The following AKT3 variants were observed in gnomAD, a reference collection of about 807,000 sequenced individuals.
The protein encoded by AKT3 is RAC-gamma serine/threonine-protein kinase.
In AKT3, 15 loss-of-function variants were observed where a neutral mutation model predicts 65.3. That is an observed-to-expected ratio of 0.23 (90% CI 0.15 to 0.35). AKT3 has a LOEUF of 0.35. Among genes scored for constraint, AKT3 ranks in the 10% least tolerant of loss-of-function variants. The pLI, the probability that AKT3 is intolerant of heterozygous loss-of-function variation, is 1.00. For missense variants in AKT3, 243 were observed against 576.5 expected (o/e 0.42, Z 5.92); for synonymous variants, 206 against 183.8 (o/e 1.12, Z -0.98).
At chr1:243,728,985 T>C (rs764031713) in intron 2 of AKT3, among the ~76,000 whole-genome samples, 28 of 152,016 alleles carry the variant, frequency 1.8e-4, no homozygotes, top group Non-Finnish European at 3.5e-4. Flanking sequence ...GAAACCAAGG[T>C]TGGGTTTCAA....
downstream of AKT3, chr1:243,499,670 A>G (rs1379707453): frequency 4.6e-6 from 5 of 1,087,896 alleles, no homozygotes; most frequent in Non-Finnish European, 7.1e-6. Flanking sequence ...TTTTCATCAT[A>G]AAAGGTGACT....
At chr1:243,770,121 T>C (rs1690085486) in intron 2 of AKT3, among the ~76,000 whole-genome samples, 1 of 152,176 alleles carries the variant, frequency 6.6e-6, no homozygotes, top group South Asian at 2.1e-4. Context: ...GCCATATATG[T>C]ATGGTTTAAA....
At chr1:243,508,294 C>T (rs916809152) in intron 13 of AKT3, among the ~76,000 whole-genome samples, 16 of 152,202 alleles carry the variant, frequency 1.1e-4, no homozygotes, top group Non-Finnish European at 1.5e-5. Context: ...TGCAGTTAAC[C>T]ACCATCAAGG....
At chr1:243,835,694 C>T (rs1259332943) in intron 2 of AKT3, among the ~76,000 whole-genome samples, 1 of 151,784 alleles carries the variant, frequency 6.6e-6, no homozygotes, top group East Asian at 1.9e-4. Flanking sequence ...TATTCTGTAC[C>T]CTTTTCCAAG....
intron 13 of AKT3, among the ~76,000 whole-genome samples, chr1:243,510,894 C>T (rs948154274): frequency 3.3e-5 from 5 of 152,232 alleles, no homozygotes; most frequent in African/African-American, 7.2e-5. Flanking sequence ...GCCCATGGGC[C>T]GATCCGAAAA....
chr1:243,576,734 A>G (rs1674969461), intron 8 of AKT3, among the ~76,000 whole-genome samples: 1 of 152,240 alleles, frequency 6.6e-6, no homozygotes, highest in African/African-American at 2.4e-5. Flanking sequence ...GAGAACACAG[A>G]CAAATGGGAA....
At chr1:243,495,210 C>T (rs1390705470), downstream of AKT3, among the ~76,000 whole-genome samples, 1 of 152,234 alleles carries the variant, frequency 6.6e-6, no homozygotes, top group Non-Finnish European at 1.5e-5. Flanking sequence ...TCCACCCCGG[C>T]CTCATGTGTG....
chr1:243,539,423 C>T (rs1293655024), intron 12 of AKT3, among the ~76,000 whole-genome samples: 1 of 152,082 alleles, frequency 6.6e-6, no homozygotes, highest in Non-Finnish European at 1.5e-5. Flanking sequence ...ATCAACTGTT[C>T]ATTAAGGCTT....
At chr1:243,756,898 CA>C (rs1344504266) in intron 2 of AKT3, among the ~76,000 whole-genome samples, 1 of 152,124 alleles carries the variant, frequency 6.6e-6, no homozygotes, top group East Asian at 1.9e-4. Context: ...ATTCAGAATA[CA>C]ATAAGAACAA....
At chr1:243,654,245 AAATT>A (rs776466325) in intron 4 of AKT3, among the ~76,000 whole-genome samples, 7 of 152,250 alleles carry the variant, frequency 4.6e-5, no homozygotes, top group African/African-American at 1.7e-4. Context: ...ACCTCACAAA[AAATT>A]AACTCCATTT....
At chr1:243,822,267 T>C (rs904734229) in intron 2 of AKT3, among the ~76,000 whole-genome samples, 4 of 152,054 alleles carry the variant, frequency 2.6e-5, no homozygotes, top group African/African-American at 9.7e-5. Context: ...CTCTGGGATG[T>C]AGCTAAAGCA....
At chr1:243,615,942 G>A (rs1572035336) in intron 6 of AKT3, among the ~76,000 whole-genome samples, 1 of 151,842 alleles carries the variant, frequency 6.6e-6, no homozygotes, top group African/African-American at 2.4e-5. Context: ...GTCTTGCTAT[G>A]TTGCCCAGGC....
At position 243,549,970 on chromosome 1, in the gene AKT3, C is replaced by G. The variant is rs115768562; in HGVS notation, c.1163+2759G>C. ...TGTTACCCAACTCATATTCTACACT[C>G]TAGTCACTGAACTTCTCAAATGCCA... is the stretch of plus-strand genomic sequence containing the variant. On this transcript the variant is annotated intron_variant, in intron 11 of 13. Transcript: ENST00000673466. Among the ~76,000 whole-genome samples, 858 of 152,312 alleles carry G rather than the reference C, an allele frequency of 5.6e-3. 6 individuals carry two copies. Among genetic ancestry groups the G allele is most frequent in the Non-Finnish European group, 7.4e-3 (500 of 68,026 alleles).
At chr1:243,557,740 A>G (rs557458088) in intron 10 of AKT3, among the ~76,000 whole-genome samples, 1 of 151,762 alleles carries the variant, frequency 6.6e-6, no homozygotes, top group Non-Finnish European at 1.5e-5. Flanking sequence ...TCATCCCTCT[A>G]CTCCTTTAAT....
At chr1:243,522,517 G>A (rs1165202550) in intron 12 of AKT3, among the ~76,000 whole-genome samples, 2 of 152,080 alleles carry the variant, frequency 1.3e-5, no homozygotes, top group African/African-American at 4.8e-5. Flanking sequence ...AAATTACCCA[G>A]GTATGGTAGC....
intron 2 of AKT3, among the ~76,000 whole-genome samples, chr1:243,701,644 C>T (rs1260956384): frequency 9.1e-5 from 12 of 132,392 alleles, no homozygotes; most frequent in Non-Finnish European, 1.1e-4. Context: ...TAAAAATATG[C>T]TTCTTACCTA....
At chr1:243,540,742 T>C (rs920505916) in intron 12 of AKT3, among the ~76,000 whole-genome samples, 1 of 152,186 alleles carries the variant, frequency 6.6e-6, no homozygotes, top group African/African-American at 2.4e-5. Flanking sequence ...TAAGTCATCA[T>C]GCCACTTTAG....
At chr1:243,589,115 G>A (rs149773061) in intron 8 of AKT3, among the ~76,000 whole-genome samples, 1 of 151,970 alleles carries the variant, frequency 6.6e-6, no homozygotes, top group African/African-American at 2.4e-5. Context: ...AGACCAGCCT[G>A]ACCAACATGG....
chr1:243,576,500 C>G (rs956591301), intron 8 of AKT3, among the ~76,000 whole-genome samples: 1 of 152,112 alleles, frequency 6.6e-6, no homozygotes, highest in East Asian at 1.9e-4. Flanking sequence ...TCCTCTCAGT[C>G]CAAAAGCTTA....
Sources: gnomAD v4.1 joint callset for allele counts (sites outside exome capture counted in the v4.1 genomes callset) on GRCh38, gnomAD v4.1.1 for gene constraint, MANE v1.5 for transcripts, NCBI Gene and HGNC (gene_info 2026-07-23, HGNC 2026-07-21) for gene names.